GAB4: variants seen among roughly 807,000 people sequenced by gnomAD.
GAB4 encodes GRB2 associated binding protein family member 4.
In GAB4, 26 loss-of-function variants were observed where a neutral mutation model predicts 51.3. The observed-to-expected ratio is 0.51, with a 90% CI of 0.37 to 0.70. The LOEUF is 0.70. GAB4 is among the 30% of genes least tolerant of loss of function. The pLI is 0.00. For synonymous variants in GAB4, 329 were observed against 291.2 expected (o/e 1.13, Z -1.32); for missense variants, 759 against 734.6 (o/e 1.03, Z -0.38).
intron 3 of GAB4, among the ~76,000 whole-genome samples, chr22:16,981,489 T>C (rs183749131): frequency 3.1e-4 from 47 of 152,262 alleles, no homozygotes; most frequent in Non-Finnish European, 5.4e-4. Flanking sequence ...TCAGAGACTA[T>C]TATGAGCAAC....
chr22:16,962,744 C>T lies in GAB4; in HGVS notation c.1714G>A (p.Ala572Thr), dbSNP rs373667129. Residue 572 changes from alanine to threonine, a missense_variant, in exon 10 of 10, where the codon GCC becomes ACC. By Grantham distance (58) the Ala-to-Thr change is moderately conservative. Around this residue, in one of 3 missense-constraint regions of GAB4, gnomAD observed 588 missense variants for 510.2 expected, o/e 1.15. Coordinates refer to ENST00000400588, the MANE Select transcript of GAB4 (RefSeq NM_001037814.1). ...TTTGGTGGCCCGAGTCACAGCTTGG[C>T]GCCCCTGGGAGGCTCTGAGGACTGC... Reference protein sequence around the residue: ...LRQSSEPPRGAKL With the variant: ...LRQSSEPPRGTKL 1.4e-5 allele frequency: 23 copies of T among 1,610,686 alleles called. No individual in the cohort carries two copies. The highest frequency in any genetic ancestry group is 2.2e-5 in the East Asian group (1 of 44,876).
chr22:17,006,440 C>T (rs1011288943), intron 1 of GAB4, among the ~76,000 whole-genome samples: 3 of 152,082 alleles, frequency 2.0e-5, no homozygotes, highest in Non-Finnish European at 2.9e-5. Flanking sequence ...TTGTCAAAGA[C>T]AGTGTGGCGA....
At chr22:16,979,077 A>G (rs2123678813) in intron 3 of GAB4, among the ~76,000 whole-genome samples, 1 of 152,334 alleles carries the variant, frequency 6.6e-6, no homozygotes, top group East Asian at 1.9e-4. Flanking sequence ...CCAATATCAT[A>G]CTGAATGGGC....
Position 16,970,216 on chromosome 22 carries a change from G to A in GAB4, c.687-23C>T, listed in dbSNP as rs1351618938. 5.6e-6 allele frequency: 9 copies of A among 1,612,896 alleles called. No homozygotes were observed. The Admixed American group carries it at 1.3e-4, about 24-fold the overall frequency. ...CTCCTAAGAGAGAGAAAGAAGGGAA[G>A]GGGCAGGGGTGAGAGGAGGCCAGGA... On this transcript the variant is annotated intron_variant, in intron 3 of 9. Transcript: ENST00000400588.
rs762964233 is a variant in GAB4 at position 16,992,162 on chromosome 22, GC to G, written c.188del (p.Arg63ProfsTer34). 25 of 1,608,976 alleles carry G rather than the reference GC, an allele frequency of 1.6e-5. No individual in the cohort carries two copies. Among genetic ancestry groups the G allele is most frequent in the Non-Finnish European group, 4.3e-6 (5 of 1,176,152 alleles). ...TCTGGCCCCTCCGCAGGATAAACCA[GC>G]GTTTCCTCCAGGCCTAAGGAAGGAG... ...KKLRLFAWRK[R>X]WFILRRGQTS... On this transcript the variant is annotated frameshift_variant, in exon 2 of 10. Coordinates refer to ENST00000400588, the MANE Select transcript of GAB4 (RefSeq NM_001037814.1). LOFTEE classifies it high-confidence loss of function.
intron 2 of GAB4, 48 bp downstream of exon 2, chr22:16,991,825 G>C: frequency 6.9e-7 from 1 of 1,456,962 alleles, no homozygotes; most frequent in South Asian, 1.3e-5. Flanking sequence ...GAGATTGGAG[G>C]GCCTCATCTC....
At chr22:16,994,622 A>G (rs952371920) in intron 1 of GAB4, among the ~76,000 whole-genome samples, 1 of 152,220 alleles carries the variant, frequency 6.6e-6, no homozygotes, top group Non-Finnish European at 1.5e-5. Context: ...TTAAGTTTAT[A>G]TGTTCACCCT....
intron 3 of GAB4, among the ~76,000 whole-genome samples, chr22:16,972,306 G>C (rs557082666): frequency 6.6e-6 from 1 of 152,340 alleles, no homozygotes; most frequent in East Asian, 1.9e-4. Context: ...AGAGTGCCAG[G>C]AAAGCCTTAT....
chr22:16,971,769 T>C (rs923577426), intron 3 of GAB4, among the ~76,000 whole-genome samples: 2 of 152,200 alleles, frequency 1.3e-5, no homozygotes, highest in Non-Finnish European at 2.9e-5. Flanking sequence ...GAGCTGTTCC[T>C]TGGGGACATG....
chr22:16,969,480 T>C lies in GAB4; in HGVS notation c.937+463A>G, dbSNP rs1421215621. The C allele has an allele frequency of 7.0e-5, 32 of 459,990 alleles. No homozygotes were observed. The East Asian group carries it at 9.9e-4, about 14-fold the overall frequency. The allele number at this position is 459,990 out of a possible 1,614,324, so 28.5% of individuals were successfully genotyped here. A position where few individuals can be genotyped will look rare whatever the true frequency, so the allele number is the denominator to read the frequency against. On this transcript the variant is annotated intron_variant, in intron 4 of 9. Transcript: ENST00000400588. The stretch of plus-strand genomic sequence containing the variant: ...CAGTGGTCAAGGTCCAGGCAGGAGA[T>C]GAACTTGACTATCAGTGACCTGAGT...
intron 1 of GAB4, among the ~76,000 whole-genome samples, chr22:17,002,237 GAGCTGTAGACTGGA>G (rs1221895910): frequency 2.0e-5 from 3 of 152,130 alleles, no homozygotes; most frequent in Non-Finnish European, 4.4e-5. Context: ...CTCATGCTGG[GAGCTGTAGACTGGA>G]GCTGTTCCTA....
intron 1 of GAB4, 61 bp from the exon 2 acceptor site, chr22:16,992,237 C>A: frequency 6.9e-7 from 1 of 1,442,368 alleles, no homozygotes; most frequent in South Asian, 1.3e-5. Flanking sequence ...TTTAACAGGT[C>A]TGAGACATCA....
intron 4 of GAB4, chr22:16,969,511 C>T: frequency 2.1e-6 from 1 of 470,404 alleles, no homozygotes; most frequent in Non-Finnish European, 3.7e-6. Context: ...TGAGTGGCTC[C>T]CAAGTCTCCC....
At chr22:16,974,804 G>GAGAT (rs1331285503) in intron 3 of GAB4, among the ~76,000 whole-genome samples, 2 of 152,174 alleles carry the variant, frequency 1.3e-5, no homozygotes, top group African/African-American at 4.8e-5. Context: ...ATTTCCAACT[G>GAGAT]AGATACCTGG....
chr22:16,986,446 C>T (rs2060868709), intron 3 of GAB4, among the ~76,000 whole-genome samples: 1 of 152,228 alleles, frequency 6.6e-6, no homozygotes, highest in Admixed American at 6.5e-5. Context: ...CCACAGGTAA[C>T]AGGGACTGAG....
At chr22:17,000,909 G>C (rs1387613856) in intron 1 of GAB4, among the ~76,000 whole-genome samples, 4 of 152,106 alleles carry the variant, frequency 2.6e-5, no homozygotes, top group African/African-American at 9.7e-5. Context: ...GCTTAGTTTG[G>C]CTGGATATGA....
chr22:17,004,797 C>G (rs1212788280), intron 1 of GAB4, among the ~76,000 whole-genome samples: 1 of 152,108 alleles, frequency 6.6e-6, no homozygotes, highest in Non-Finnish European at 1.5e-5. Context: ...CGATAAAATT[C>G]AACACCCCTT....
At position 17,008,197 on chromosome 22, in the gene GAB4, T is replaced by G; in HGVS notation, c.-83A>C. On this transcript the variant is annotated 5_prime_UTR_variant, in exon 1 of 10. Transcript: ENST00000400588. ...GTGGGGTGTGAGGGACGGCTTGCGA[T>G]ACCCTGGGACTGCGGGGTAGAAAGC... The G allele has an allele frequency of 1.0e-6, 1 of 991,422 alleles. No individual in the cohort carries two copies. The highest frequency in any genetic ancestry group is 1.5e-6 in the Non-Finnish European group (1 of 660,586). 61.4% of individuals were successfully genotyped at this position (991,422 alleles called of 1,614,324 possible).
chr22:16,966,180 A>T lies in GAB4; in HGVS notation c.1208T>A (p.Leu403His). ...FDLLGSPLTE[L>H]SMHQDLSQGH... ...CTGGCTGAGGTCTTGGTGCATAGAAAGCTCTGTGAGTGGGGAGCCAAGCAG... is the reference window on the plus strand; with the variant it reads ...CTGGCTGAGGTCTTGGTGCATAGAATGCTCTGTGAGTGGGGAGCCAAGCAG... The change falls in exon 6 of 10, where the codon CTT becomes CAT. Residue 403 changes from leucine to histidine, a missense_variant. Physicochemically the swap from Leu to His is moderately conservative, Grantham distance 99. Around this residue, in one of 3 missense-constraint regions of GAB4, gnomAD observed 588 missense variants for 510.2 expected, o/e 1.15. Transcript: ENST00000400588. 6.2e-7 allele frequency: 1 copy of T among 1,614,050 alleles called. No individual in the cohort carries two copies. The highest frequency in any genetic ancestry group is 8.5e-7 in the Non-Finnish European group (1 of 1,179,996).
Sources: allele counts gnomAD v4.1 joint callset (sites outside exome capture counted in the v4.1 genomes callset), GRCh38; gene constraint gnomAD v4.1.1; regional missense constraint gnomAD v4.1.1; transcripts MANE v1.5; gene names NCBI Gene and HGNC (gene_info 2026-07-23, HGNC 2026-07-21).